The following STK32B variants were observed in gnomAD, a reference collection of about 807,000 sequenced individuals.
STK32B encodes serine/threonine kinase 32B.
Under a neutral mutation model 52.6 loss-of-function variants are expected in STK32B, and 43 were observed. The ratio of observed to expected loss-of-function variants is 0.82; its 90% CI spans 0.64 to 1.05. The LOEUF (loss-of-function observed/expected upper bound fraction) is 1.05, where lower values mean the gene tolerates loss of function less well. Among genes scored for constraint, STK32B ranks in the 50% least tolerant of loss-of-function variants. The pLI, the probability that STK32B is intolerant of heterozygous loss-of-function variation, is 0.00. For missense variants in STK32B, 621 were observed against 534.6 expected, an observed-to-expected ratio of 1.16 and a Z score of -1.59; for synonymous variants, 238 against 204.3, an observed-to-expected ratio of 1.17 and a Z score of -1.41.
chr4:5,147,139 C>G (rs1221625085), intron 2 of STK32B, among the ~76,000 whole-genome samples: 2 of 151,868 alleles, frequency 1.3e-5, no homozygotes, highest in African/African-American at 4.8e-5. Context: ...CTTTTTTGCA[C>G]TAATGTTTTT....
chr4:5,428,883 C>T (rs9995292), intron 6 of STK32B, among the ~76,000 whole-genome samples: 21,997 of 152,156 alleles, frequency 0.14, 2,112 homozygotes, highest in East Asian at 0.41. Context: ...GTCTGCTTTG[C>T]CTGATATTAA....
intron 3 of STK32B, among the ~76,000 whole-genome samples, chr4:5,324,052 G>A (rs112233257): frequency 8.5e-5 from 13 of 152,166 alleles, no homozygotes; most frequent in Admixed American, 3.3e-4. Flanking sequence ...TTAAATGAGC[G>A]CATATACGTA....
chr4:5,299,080 T>A (rs1030961047), intron 3 of STK32B, among the ~76,000 whole-genome samples: 1 of 151,896 alleles, frequency 6.6e-6, no homozygotes, highest in Non-Finnish European at 1.5e-5. Context: ...GCTTCCTGGG[T>A]GAGGCAACAT....
At position 5,469,255 on chromosome 4, in the gene STK32B, A is replaced by T. The variant is rs1460305852; in HGVS notation, c.1106+1185A>T. ...AAAAAATCATTGATTACAGGCCCTT[A>T]TGCAATCCCCAGTATTCAACCGTTT... is the stretch of plus-strand genomic sequence containing the variant. On this transcript the variant is annotated intron_variant, in intron 11 of 11. Transcript: ENST00000282908. The surrounding 1 kb of genome is among the most constrained non-coding windows in gnomAD (Gnocchi z 4.7). 6.6e-6 allele frequency among the ~76,000 whole-genome samples: 1 copy of T among 152,168 alleles called. No homozygotes were observed. Among genetic ancestry groups the T allele is most frequent in the Non-Finnish European group, 1.5e-5 (1 of 68,044 alleles).
intron 6 of STK32B, among the ~76,000 whole-genome samples, chr4:5,422,885 A>T (rs1024723495): frequency 6.6e-6 from 1 of 152,136 alleles, no homozygotes; most frequent in Non-Finnish European, 1.5e-5. Context: ...GACTTTAAGG[A>T]TGTGCTCTGC....
intron 3 of STK32B, among the ~76,000 whole-genome samples, chr4:5,301,228 C>G (rs11725612): frequency 3.3e-5 from 5 of 151,740 alleles, no homozygotes; most frequent in African/African-American, 7.3e-5. Context: ...GATATTGATA[C>G]GTAGTTTTCT....
At chr4:5,114,915 C>T (rs746473702) in intron 1 of STK32B, among the ~76,000 whole-genome samples, 5 of 152,110 alleles carry the variant, frequency 3.3e-5, no homozygotes, top group Non-Finnish European at 7.3e-5. Context: ...AAGCCTCTTC[C>T]CACACCCTGA....
chr4:5,377,611 C>T (rs937234432), intron 4 of STK32B, among the ~76,000 whole-genome samples: 1 of 152,188 alleles, frequency 6.6e-6, no homozygotes, highest in South Asian at 2.1e-4. Context: ...ATTGTCATCC[C>T]CATAATCCCC....
intron 4 of STK32B, among the ~76,000 whole-genome samples, chr4:5,388,780 G>T (rs562133213): frequency 8.5e-5 from 13 of 152,326 alleles, no homozygotes; most frequent in Admixed American, 1.3e-4. Flanking sequence ...ATGTCACGGG[G>T]CTCACCCATT....
the STK32B span, among the ~76,000 whole-genome samples, chr4:5,026,978 G>T: frequency 6.6e-6 from 1 of 152,164 alleles, no homozygotes; most frequent in African/African-American, 2.4e-5. Flanking sequence ...CGCTTGCAAA[G>T]AGGCTACCTC....
intron 1 of STK32B, among the ~76,000 whole-genome samples, chr4:5,116,005 C>T (rs1714694192): frequency 6.6e-6 from 1 of 152,102 alleles, no homozygotes; most frequent in South Asian, 2.1e-4. Context: ...TGCTAGTAAC[C>T]TTAATTCTCT....
In STK32B at chr4:5,105,453, G is replaced by A. The variant is rs547923042; in HGVS notation, c.53-34452G>A. ...TTCTATTGAGTTTATCTTTCTTGTT[G>A]ATGAACAGGAGTCCTCTCTATACTC... On this transcript the variant is annotated intron_variant, in intron 1 of 11. Coordinates refer to ENST00000282908, the MANE Select transcript of STK32B (RefSeq NM_018401.3). Among the ~76,000 whole-genome samples the A allele has an allele frequency of 5.3e-5, 8 of 152,186 alleles. 1 individual carries two copies. In the South Asian group the frequency reaches 1.7e-3, roughly 32 times the overall value.
At chr4:5,069,191 T>TC (rs1711604921) in intron 1 of STK32B, among the ~76,000 whole-genome samples, 2 of 1,838 alleles carry the variant, frequency 1.1e-3, no homozygotes, top group African/African-American at 1.3e-3. Context: ...GCAGGTTCTC[T>TC]TTTTTTTTTT....
At chr4:5,138,753 A>C (rs1478894740) in intron 1 of STK32B, among the ~76,000 whole-genome samples, 1 of 152,196 alleles carries the variant, frequency 6.6e-6, no homozygotes, top group Admixed American at 6.5e-5. Flanking sequence ...TATCGTAGGG[A>C]GCCAGACGTA....
intron 3 of STK32B, among the ~76,000 whole-genome samples, chr4:5,172,192 G>C (rs1416553219): frequency 2.0e-5 from 3 of 152,154 alleles, no homozygotes; most frequent in East Asian, 1.9e-4. Flanking sequence ...TGCTTATTAG[G>C]TTAAGGAGAT....
intron 3 of STK32B, among the ~76,000 whole-genome samples, chr4:5,249,588 C>T (rs1309749180): frequency 6.6e-6 from 1 of 151,518 alleles, no homozygotes; most frequent in African/African-American, 2.4e-5. Context: ...TAGCAAAAAC[C>T]CAAAGCATAA....
intron 4 of STK32B, among the ~76,000 whole-genome samples, chr4:5,375,224 C>A (rs1171794676): frequency 6.6e-6 from 1 of 152,114 alleles, no homozygotes; most frequent in Non-Finnish European, 1.5e-5. Flanking sequence ...GCATCCACCC[C>A]CAGTCCTTCC....
chr4:5,021,399 G>A, the STK32B span, among the ~76,000 whole-genome samples: 3 of 152,192 alleles, frequency 2.0e-5, no homozygotes, highest in East Asian at 5.8e-4. Flanking sequence ...GCAAGTGGAG[G>A]CACAGATGTG....
chr4:5,199,188 T>C (rs1311528545), intron 3 of STK32B, among the ~76,000 whole-genome samples: 1 of 152,120 alleles, frequency 6.6e-6, no homozygotes, highest in African/African-American at 2.4e-5. Context: ...AAGGTACACA[T>C]AAAATGAGTA....
Sources: allele counts gnomAD v4.1 joint callset (sites outside exome capture counted in the v4.1 genomes callset), GRCh38; gene constraint gnomAD v4.1.1; non-coding constraint Gnocchi (gnomAD v3.1); transcripts MANE v1.5; gene names NCBI Gene and HGNC (gene_info 2026-07-23, HGNC 2026-07-21).